The following PARD3B variants were observed in gnomAD, a reference collection of about 807,000 sequenced individuals.
The protein encoded by PARD3B is partitioning defective 3 homolog B.
In PARD3B, 103 loss-of-function variants were observed where a neutral mutation model predicts 130.2. That is an observed-to-expected ratio of 0.79 (90% CI 0.67 to 0.93). The LOEUF (loss-of-function observed/expected upper bound fraction) is 0.93. Ranked by LOEUF, PARD3B falls within the 40% of genes least tolerant of loss-of-function variation. The pLI, the probability that PARD3B is intolerant of heterozygous loss-of-function variation, is 0.00. For synonymous variants in PARD3B, 583 were observed against 553.2 expected (o/e 1.05, Z -0.76); for missense variants, 1,609 against 1,499.2 (o/e 1.07, Z -1.21).
chr2:205,295,435 A>G (rs1343846046), intron 16 of PARD3B, among the ~76,000 whole-genome samples: 1 of 152,184 alleles, frequency 6.6e-6, no homozygotes, highest in African/African-American at 2.4e-5. Flanking sequence ...TTTATTTTAG[A>G]AGGAAGGATT....
At chr2:205,455,516 AAT>A (rs2048243145) in intron 20 of PARD3B, among the ~76,000 whole-genome samples, 3 of 152,058 alleles carry the variant, frequency 2.0e-5, no homozygotes, top group South Asian at 4.1e-4. Context: ...GGAATTACAA[AAT>A]GTTCTTAATT....
chr2:204,747,117 C>A (rs898637425), intron 2 of PARD3B, among the ~76,000 whole-genome samples: 5 of 152,194 alleles, frequency 3.3e-5, no homozygotes, highest in African/African-American at 7.2e-5. Flanking sequence ...TTAGGTCTAA[C>A]GTTTAAGTCT....
chr2:204,694,000 G>A (rs2037474140), intron 2 of PARD3B, among the ~76,000 whole-genome samples: 1 of 151,986 alleles, frequency 6.6e-6, no homozygotes, highest in African/African-American at 2.4e-5. Flanking sequence ...ATGCTTTGAG[G>A]TTTTGAATAA....
chr2:205,306,293 A>T (rs957004668), intron 18 of PARD3B, among the ~76,000 whole-genome samples: 3 of 152,232 alleles, frequency 2.0e-5, no homozygotes, highest in African/African-American at 7.2e-5. Context: ...GTAATTTCTT[A>T]CAGCATCAAA....
chr2:204,832,741 G>A (rs913442270), intron 2 of PARD3B, among the ~76,000 whole-genome samples: 1 of 152,158 alleles, frequency 6.6e-6, no homozygotes, highest in Non-Finnish European at 1.5e-5. Flanking sequence ...AAGCGTAGTT[G>A]TGTTCTGGAA....
At chr2:205,586,167 T>G (rs1348650150) in intron 22 of PARD3B, among the ~76,000 whole-genome samples, 1 of 152,230 alleles carries the variant, frequency 6.6e-6, no homozygotes, top group Admixed American at 6.5e-5. Context: ...TTATTTATGA[T>G]GATAGCCGCC....
intron 2 of PARD3B, among the ~76,000 whole-genome samples, chr2:204,753,388 A>G (rs2040539794): frequency 6.6e-6 from 1 of 152,026 alleles, no homozygotes; most frequent in Non-Finnish European, 1.5e-5. Flanking sequence ...TAATTTGAAG[A>G]CTCTTAAAGT....
chr2:205,500,001 A>G lies in PARD3B; in HGVS notation c.3150A>G (p.Arg1050=), dbSNP rs759680099. The change falls in exon 21 of 23, where the codon AGA becomes AGG. Residue 1050 remains arginine (R), a synonymous_variant. Transcript: ENST00000406610. Reference sequence around the variant, plus strand: ...CTTTATATGAAGACGACGAAGGAAGAGCAAGGCCATCTGAGTATGACCTAC... The same window carrying G: ...CTTTATATGAAGACGACGAAGGAAGGGCAAGGCCATCTGAGTATGACCTAC... The part of the protein sequence containing the change: ...GFPLYEDDEG[R]ARPSEYDLLW... The G allele has an allele frequency of 6.2e-6, 10 of 1,613,788 alleles. No individual in the cohort carries two copies. The Admixed American group carries it at 1.2e-4, about 19-fold the overall frequency.
intron 18 of PARD3B, among the ~76,000 whole-genome samples, chr2:205,318,052 A>G (rs1437400835): frequency 1.3e-5 from 2 of 152,204 alleles, no homozygotes; most frequent in Non-Finnish European, 1.5e-5. Flanking sequence ...TCGACCAGAA[A>G]TAATGGTTGC....
chr2:205,058,642 G>A (rs1699881731), intron 4 of PARD3B, among the ~76,000 whole-genome samples: 1 of 151,936 alleles, frequency 6.6e-6, no homozygotes. Context: ...CCTAATGACT[G>A]TGAGGTGATA....
In PARD3B at chr2:204,724,209, A is replaced by C. The variant is rs143436540; in HGVS notation, c.222+37927A>C. On this transcript the variant is annotated intron_variant, in intron 2 of 22. Transcript: ENST00000406610. ...AGTTGGTTTTGTTAAGAAAAGTTTC[A>C]TTGGCAATCATTTATATTTCTCAAG... Among the ~76,000 whole-genome samples the C allele has an allele frequency of 5.6e-4, 86 of 152,306 alleles. No individual in the cohort carries two copies. In the East Asian group the frequency reaches 0.015, roughly 27 times the overall value.
chr2:205,422,218 C>T (rs2046994382), intron 19 of PARD3B, among the ~76,000 whole-genome samples: 1 of 152,122 alleles, frequency 6.6e-6, no homozygotes, highest in East Asian at 1.9e-4. Flanking sequence ...AAGAGCTAAT[C>T]AGGCCTGAGG....
Position 205,142,853 on chromosome 2 carries a change from G to A in PARD3B, c.1435-15869G>A, listed in dbSNP as rs1559480505. ...AGATCACGCCATTGCACTCCAGCCTGGGTGACAGGATGAGACTTCGGTCTC... is the reference window on the plus strand; with the variant it reads ...AGATCACGCCATTGCACTCCAGCCTAGGTGACAGGATGAGACTTCGGTCTC... On this transcript the variant is annotated intron_variant, in intron 10 of 22. Coordinates refer to ENST00000406610, the MANE Select transcript of PARD3B (RefSeq NM_001302769.2). The surrounding 1 kb of genome is among the most constrained non-coding windows in gnomAD (Gnocchi z 4.3). Among the ~76,000 whole-genome samples the A allele has an allele frequency of 6.6e-6, 1 of 151,192 alleles. No homozygotes were observed. Among genetic ancestry groups the A allele is most frequent in the Non-Finnish European group, 1.5e-5 (1 of 67,722 alleles).
intron 15 of PARD3B, among the ~76,000 whole-genome samples, chr2:205,200,557 A>T (rs2036932816): frequency 6.6e-6 from 1 of 152,210 alleles, no homozygotes; most frequent in Non-Finnish European, 1.5e-5. Flanking sequence ...ATTGAAGAAG[A>T]TAGAATTTAA....
chr2:204,782,358 TATA>T (rs1007553424), intron 2 of PARD3B, among the ~76,000 whole-genome samples: 1 of 139,340 alleles, frequency 7.2e-6, no homozygotes, highest in African/African-American at 2.6e-5. Context: ...GTATATGTTA[TATA>T]ATATATACCA....
intron 15 of PARD3B, among the ~76,000 whole-genome samples, chr2:205,231,704 A>G (rs959866230): frequency 2.6e-5 from 4 of 152,162 alleles, no homozygotes; most frequent in Admixed American, 2.0e-4. Context: ...TGTAAAATTA[A>G]TATCACAGTT....
chr2:205,203,234 C>T (rs951542332), intron 15 of PARD3B, among the ~76,000 whole-genome samples: 1 of 152,102 alleles, frequency 6.6e-6, no homozygotes, highest in Non-Finnish European at 1.5e-5. Flanking sequence ...TGTCTGTGCT[C>T]TGATTAGAAA....
At chr2:205,240,013 C>T (rs185850592) in intron 15 of PARD3B, among the ~76,000 whole-genome samples, 1 of 152,184 alleles carries the variant, frequency 6.6e-6, no homozygotes, top group African/African-American at 2.4e-5. Flanking sequence ...CATGAAAACT[C>T]ACATTGCTGA....
chr2:204,829,956 G>A (rs182003322), intron 2 of PARD3B, among the ~76,000 whole-genome samples: 11,823 of 135,236 alleles, frequency 0.087, 570 homozygotes, highest in African/African-American at 0.15. Flanking sequence ...CCGAGATCGC[G>A]CCACTGCACT....
Sources: allele counts gnomAD v4.1 joint callset (sites outside exome capture counted in the v4.1 genomes callset), GRCh38; gene constraint gnomAD v4.1.1; non-coding constraint Gnocchi (gnomAD v3.1); transcripts MANE v1.5; gene names NCBI Gene and HGNC (gene_info 2026-07-23, HGNC 2026-07-21).